Variants in TCF12 observed in about 807,000 individuals in gnomAD.
The protein encoded by TCF12 is transcription factor 12.
Under a neutral mutation model 86.0 loss-of-function variants are expected in TCF12, and 45 were observed. That is an observed-to-expected ratio of 0.52 (90% CI 0.41 to 0.67). The LOEUF is 0.67. Among genes scored for constraint, TCF12 ranks in the 30% least tolerant of loss-of-function variants. The pLI is 0.00. For synonymous variants in TCF12, 330 were observed against 299.6 expected (o/e 1.10, Z -1.05); for missense variants, 881 against 859.9 (o/e 1.02, Z -0.31).
chr15:56,921,037 A>G lies in TCF12; in HGVS notation c.87A>G (p.Pro29=). 6.3e-7 allele frequency: 1 copy of G among 1,598,506 alleles called. No homozygotes were observed. Among genetic ancestry groups the G allele is most frequent in the Non-Finnish European group, 8.5e-7 (1 of 1,171,734 alleles). The change falls in exon 3 of 21, where the codon CCA becomes CCG. Residue 29 remains proline, a synonymous_variant. Coordinates refer to ENST00000333725, the MANE Select transcript of TCF12 (RefSeq NM_207037.2). ...GGGTTATTTTGCAGATGTTTTCCCC[A>G]CCTGTTAATAGTGGGAAAACTAGAC... is the stretch of plus-strand genomic sequence containing the variant. ...DLLDFSAMFS[P]PVNSGKTRPT...
chr15:56,978,932 T>C (rs992595331), intron 3 of TCF12, among the ~76,000 whole-genome samples: 6 of 152,242 alleles, frequency 3.9e-5, no homozygotes, highest in Admixed American at 3.9e-4. Context: ...AACTGAATTT[T>C]TAATTTTAAT....
intron 5 of TCF12, among the ~76,000 whole-genome samples, chr15:57,130,764 T>G (rs1011877448): frequency 2.6e-5 from 4 of 152,240 alleles, no homozygotes; most frequent in East Asian, 3.8e-4. Context: ...GTGCTTGTTG[T>G]GTTACACACG....
chr15:56,993,189 C>T (rs1249035492), intron 3 of TCF12, among the ~76,000 whole-genome samples: 6 of 152,112 alleles, frequency 3.9e-5, no homozygotes, highest in African/African-American at 1.4e-4. Context: ...ACGCCTGCTA[C>T]TTCTGGCTCA....
intron 8 of TCF12, among the ~76,000 whole-genome samples, chr15:57,222,903 A>G (rs908266337): frequency 1.3e-5 from 2 of 151,122 alleles, no homozygotes; most frequent in East Asian, 1.9e-4. Context: ...AAATTGCCAC[A>G]CAAACAGACA....
At chr15:56,963,472 A>G (rs1207188206) in intron 3 of TCF12, among the ~76,000 whole-genome samples, 2 of 152,166 alleles carry the variant, frequency 1.3e-5, no homozygotes, top group Non-Finnish European at 2.9e-5. Flanking sequence ...TCTTTAGTCA[A>G]GTGAAAATAT....
intron 6 of TCF12, among the ~76,000 whole-genome samples, chr15:57,177,608 C>CAGAGGGAGAGAGAGAGAG (rs2056023157): frequency 8.1e-6 from 1 of 122,962 alleles, no homozygotes; most frequent in Non-Finnish European, 1.7e-5. Flanking sequence ...GTTAAAAGGC[C>CAGAGGGAGAGAGAGAGAG]AGAGAGAGAG....
At chr15:57,249,074 TTC>T (rs1333129635) in intron 13 of TCF12, among the ~76,000 whole-genome samples, 1 of 152,192 alleles carries the variant, frequency 6.6e-6, no homozygotes. Flanking sequence ...TTAAGATAAA[TTC>T]TTTTTTAATA....
intron 3 of TCF12, among the ~76,000 whole-genome samples, chr15:56,927,835 T>C (rs1050598225): frequency 2.6e-5 from 4 of 152,202 alleles, no homozygotes; most frequent in Admixed American, 6.5e-5. Context: ...TGTATAAAAT[T>C]AGTGACTTTG....
upstream of TCF12, chr15:56,918,523 C>T (rs1403032245): frequency 6.5e-6 from 2 of 309,554 alleles, no homozygotes; most frequent in East Asian, 1.3e-4. Flanking sequence ...GGTGCGGCTC[C>T]TCCCAGTCCC....
chr15:57,210,963 CACTT>C (rs764863787), intron 8 of TCF12, among the ~76,000 whole-genome samples: 13 of 152,278 alleles, frequency 8.5e-5, no homozygotes, highest in Non-Finnish European at 1.8e-4. Context: ...AGCCTCAGCC[CACTT>C]ACTTAAGATG....
intron 19 of TCF12, among the ~76,000 whole-genome samples, chr15:57,276,005 T>G (rs186319369): frequency 1.2e-4 from 18 of 152,234 alleles, no homozygotes; most frequent in African/African-American, 3.9e-4. Flanking sequence ...CCTTTGCCAT[T>G]TTTATTCCCC....
intron 5 of TCF12, among the ~76,000 whole-genome samples, chr15:57,113,077 C>A (rs1478443425): frequency 3.3e-5 from 5 of 152,198 alleles, no homozygotes; most frequent in African/African-American, 1.2e-4. Context: ...CTTAGTATGG[C>A]ACTTGAAGAT....
At chr15:56,972,887 G>A (rs1292883771) in intron 3 of TCF12, among the ~76,000 whole-genome samples, 2 of 152,126 alleles carry the variant, frequency 1.3e-5, no homozygotes, top group Non-Finnish European at 2.9e-5. Flanking sequence ...ACAGTGTTTG[G>A]ACTATATAGC....
chr15:57,272,947 C>G, intron 18 of TCF12, 83 bp from the exon 19 acceptor site: 1 of 1,305,468 alleles, frequency 7.7e-7, no homozygotes, highest in Non-Finnish European at 1.1e-6. Flanking sequence ...TCATTTCCAT[C>G]TTTACGCTTT....
intron 3 of TCF12, among the ~76,000 whole-genome samples, chr15:56,993,536 C>T (rs1166695723): frequency 6.6e-6 from 1 of 152,136 alleles, no homozygotes; most frequent in Non-Finnish European, 1.5e-5. Context: ...AGTACTGAGA[C>T]CACGTGTAAA....
At chr15:56,964,548 A>G (rs1455976467) in intron 3 of TCF12, among the ~76,000 whole-genome samples, 1 of 152,194 alleles carries the variant, frequency 6.6e-6, no homozygotes, top group Non-Finnish European at 1.5e-5. Flanking sequence ...CTCTCTAAAC[A>G]CTACTCAAGT....
At chr15:57,278,410 A>G (rs2061501246) in intron 19 of TCF12, among the ~76,000 whole-genome samples, 1 of 152,198 alleles carries the variant, frequency 6.6e-6, no homozygotes, top group Non-Finnish European at 1.5e-5. Flanking sequence ...GGCATTTGTT[A>G]GATCTCTTGG....
intron 3 of TCF12, among the ~76,000 whole-genome samples, chr15:56,963,861 G>A (rs991957074): frequency 4.5e-4 from 68 of 152,302 alleles, no homozygotes; most frequent in African/African-American, 1.5e-3. Flanking sequence ...TGTATGTATC[G>A]TAACTTGGTT....
intron 12 of TCF12, among the ~76,000 whole-genome samples, chr15:57,236,970 T>C (rs2059406193): frequency 6.6e-6 from 1 of 152,154 alleles, no homozygotes; most frequent in Admixed American, 6.5e-5. Flanking sequence ...TGGAGAGTTA[T>C]ATAGAGGAAG....
Sources: allele counts gnomAD v4.1 joint callset (sites outside exome capture counted in the v4.1 genomes callset), GRCh38; gene constraint gnomAD v4.1.1; transcripts MANE v1.5; gene names NCBI Gene and HGNC (gene_info 2026-07-23, HGNC 2026-07-21).